The following IRX5 variants were observed in gnomAD, a reference collection of about 807,000 sequenced individuals.
IRX5 encodes the protein iroquois homeobox 5.
A neutral mutation model predicts 37.6 loss-of-function variants in IRX5; 8 were observed. That is an observed-to-expected ratio of 0.21 (90% CI 0.12 to 0.38). The LOEUF (loss-of-function observed/expected upper bound fraction) is 0.38, where lower values mean the gene tolerates loss of function less well. IRX5 is among the 10% of genes least tolerant of loss of function. The pLI is 1.00. For missense variants in IRX5, 635 were observed against 695.2 expected (o/e 0.91, Z 0.97); for synonymous variants, 359 against 328.6 (o/e 1.09, Z -1.00).
rs1963925442 is a variant in IRX5 at position 54,933,269 on chromosome 16, T to C, written c.848T>C (p.Leu283Pro). Residue 283 changes from leucine (L) to proline (P), a missense_variant, in exon 3 of 3, where the codon CTG becomes CCG. By Grantham distance (98) the Leu-to-Pro change is moderately conservative. Around this residue, in one of 5 missense-constraint regions of IRX5, gnomAD observed 244 missense variants for 205.4 expected, o/e 1.19. Transcript: ENST00000394636. ...CCGGCTGGGCCAGCGGCGGCGCGGC[T>C]GGCGGAGGACCCGGCCCCTCACTAC... ...PSPAGPAAAR[L>P]AEDPAPHYPA... 7.6e-7 allele frequency: 1 copy of C among 1,321,164 alleles called. No individual in the cohort carries two copies. Among genetic ancestry groups the C allele is most frequent in the African/African-American group, 1.6e-5 (1 of 64,062 alleles). 81.8% of individuals were successfully genotyped at this position (1,321,164 alleles called of 1,614,324 possible).
intron 1 of IRX5, chr16:54,931,984 G>C (rs1167403118): frequency 1.5e-6 from 1 of 663,120 alleles, no homozygotes; most frequent in South Asian, 1.6e-5. Flanking sequence ...TTGTAACTTC[G>C]GTCTGGGGTA....
chr16:54,933,116 T>C lies in IRX5; in HGVS notation c.695T>C (p.Leu232Pro). The stretch of plus-strand genomic sequence containing the variant: ...AAGGCGGCTTCGGGCTGCGAACGGC[T>C]TCAGGGACCACCCACCCCTGCAGGC... ...EQKAASGCER[L>P]QGPPTPAGKE... The change falls in exon 3 of 3, where the codon CTT becomes CCT. Residue 232 changes from leucine to proline, a missense_variant. Around this residue, in one of 5 missense-constraint regions of IRX5, gnomAD observed 244 missense variants for 205.4 expected, o/e 1.19. Transcript: ENST00000394636. The C allele has an allele frequency of 1.9e-6, 3 of 1,589,052 alleles. No individual in the cohort carries two copies. The highest frequency in any genetic ancestry group is 2.6e-6 in the Non-Finnish European group (3 of 1,173,744).
In IRX5 at chr16:54,930,999, A is replaced by G; in HGVS notation, c.-200A>G. Reference sequence around the variant, plus strand: ...CAGCTGGGGCGAGCGAGGCGCGCAGAGGAGCGGGCGCGGCGGTCGCAGCCG... The same window carrying G: ...CAGCTGGGGCGAGCGAGGCGCGCAGGGGAGCGGGCGCGGCGGTCGCAGCCG... On this transcript the variant is annotated 5_prime_UTR_variant, in exon 1 of 3. Coordinates refer to ENST00000394636, the MANE Select transcript of IRX5 (RefSeq NM_005853.6). 1 of 162,856 alleles carries G rather than the reference A, an allele frequency of 6.1e-6. No homozygotes were observed. Among genetic ancestry groups the G allele is most frequent in the Non-Finnish European group, 1.3e-5 (1 of 77,268 alleles). The allele number at this position is 162,856 out of a possible 1,614,324, so 10.1% of individuals were successfully genotyped here.
Position 54,933,547 on chromosome 16 carries a change from GCGTCGC to G in IRX5, c.1129_1134del (p.Ser377_Pro378del), listed in dbSNP as rs1567391511. 1 of 1,607,728 alleles carries G rather than the reference GCGTCGC, an allele frequency of 6.2e-7. No homozygotes were observed. The highest frequency in any genetic ancestry group is 1.7e-5 in the Admixed American group (1 of 59,392). On this transcript the variant is annotated inframe_deletion, in exon 3 of 3. Coordinates refer to ENST00000394636, the MANE Select transcript of IRX5 (RefSeq NM_005853.6). ...CGGGCAAGCCCTAGGAGGCAGCCGG[GCGTCGC>G]CGGCCCCGGCGCCGTCACGCTCGCC...
Position 54,932,414 on chromosome 16 carries a change from G to C in IRX5, c.250-84G>C. On this transcript the variant is annotated intron_variant, in intron 1 of 2. Transcript: ENST00000394636. This position sits in a 1 kb window ranked among gnomAD's most constrained non-coding sequence, Gnocchi z 6.7. ...GCCTCGTCCACCCACAGACCCCGGG[G>C]AGCGCAGGGAAAAGGGTGCTTCGGT... 6.8e-7 allele frequency: 1 copy of C among 1,467,894 alleles called. No homozygotes were observed. The allele number at this position is 1,467,894 out of a possible 1,614,324, so 90.9% of individuals were successfully genotyped here.
chr16:54,931,195 G>T lies in IRX5; in HGVS notation c.-4G>T. 1 of 1,594,626 alleles carries T rather than the reference G, an allele frequency of 6.3e-7. No homozygotes were observed. The highest frequency in any genetic ancestry group is 8.5e-7 in the Non-Finnish European group (1 of 1,172,318). On this transcript the variant is annotated 5_prime_UTR_variant, in exon 1 of 3. Transcript: ENST00000394636. Reference sequence around the variant, plus strand: ...CGCGGCGCGCCCCATGCCCGTGTGTGGCCATGTCCTATCCGCAGGGCTACT... The same window carrying T: ...CGCGGCGCGCCCCATGCCCGTGTGTTGCCATGTCCTATCCGCAGGGCTACT...
In IRX5 at chr16:54,934,037, T is replaced by G; in HGVS notation, c.*164T>G. The G allele has an allele frequency of 3.3e-6, 2 of 598,172 alleles. No individual in the cohort carries two copies. Among genetic ancestry groups the G allele is most frequent in the Non-Finnish European group, 5.1e-6 (2 of 392,820 alleles). The allele number at this position is 598,172 out of a possible 1,614,324, so 37.1% of individuals were successfully genotyped here. ...TGGATGACATAAAAATGTAAACATC[T>G]CCACACAAAAAAAAAAATGTCTTAA... On this transcript the variant is annotated 3_prime_UTR_variant, in exon 3 of 3. Coordinates refer to ENST00000394636, the MANE Select transcript of IRX5 (RefSeq NM_005853.6).
At chr16:54,931,903 A>G (rs1963902045) in intron 1 of IRX5, 2 of 605,724 alleles carry the variant, frequency 3.3e-6, no homozygotes, top group East Asian at 5.5e-5. Context: ...TATCTTCGCA[A>G]TCCGATTTGG....
Position 54,931,198 on chromosome 16 carries a change from C to T in IRX5, c.-1C>T, listed in dbSNP as rs1254141348. ...GGCGCGCCCCATGCCCGTGTGTGGC[C>T]ATGTCCTATCCGCAGGGCTACTTGT... On this transcript the variant is annotated 5_prime_UTR_variant, in exon 1 of 3. Transcript: ENST00000394636. 1.2e-6 allele frequency: 2 copies of T among 1,604,846 alleles called. No homozygotes were observed. The highest frequency in any genetic ancestry group is 3.4e-5 in the Admixed American group (2 of 59,540).
rs1029750748 is a variant in IRX5, at chr16:54,931,754, A to G, written c.249+307A>G. Among the ~76,000 whole-genome samples, 12 of 152,184 alleles carry G rather than the reference A, an allele frequency of 7.9e-5. No individual in the cohort carries two copies. In the East Asian group the frequency reaches 1.2e-3, roughly 15 times the overall value. Reference sequence around the variant, plus strand: ...AGCTCCGGGCTGCCCTGCAAATTTTATATTTTTGGTTTTGCCATTTTGGAA... The same window carrying G: ...AGCTCCGGGCTGCCCTGCAAATTTTGTATTTTTGGTTTTGCCATTTTGGAA... On this transcript the variant is annotated intron_variant, in intron 1 of 2. Coordinates refer to ENST00000394636, the MANE Select transcript of IRX5 (RefSeq NM_005853.6).
chr16:54,932,926 G>A lies in IRX5; in HGVS notation c.655+23G>A. Reference sequence around the variant, plus strand: ...CAGGTTGGTGGACATGGGAAAGGGCGTGTTGGGCGGGAGTAAAAAGGAAAA... The same window carrying A: ...CAGGTTGGTGGACATGGGAAAGGGCATGTTGGGCGGGAGTAAAAAGGAAAA... On this transcript the variant is annotated intron_variant, in intron 2 of 2. Transcript: ENST00000394636. This position sits in a 1 kb window ranked among gnomAD's most constrained non-coding sequence, Gnocchi z 6.7. 2 of 1,595,270 alleles carry A rather than the reference G, an allele frequency of 1.3e-6. No homozygotes were observed. Among genetic ancestry groups the A allele is most frequent in the South Asian group, 1.1e-5 (1 of 88,830 alleles).
In IRX5 at chr16:54,933,721, G is replaced by C; in HGVS notation, c.1300G>C (p.Gly434Arg). The C allele has an allele frequency of 2.5e-6, 4 of 1,613,866 alleles. No individual in the cohort carries two copies. The highest frequency in any genetic ancestry group is 3.4e-6 in the Non-Finnish European group (4 of 1,179,972). Residue 434 changes from glycine (G) to arginine (R), a missense_variant, in exon 3 of 3, where the codon GGT becomes CGT. Physicochemically the swap from Gly to Arg is moderately radical, Grantham distance 125 (BLOSUM62 -2). Transcript: ENST00000394636. ...GGGGCCCGGGCCAGGCCCCACAACC[G>C]GTCCGGGGTCTCATTTCAATGGATT... ...HPGPGPGPTT[G>R]PGSHFNGLNQ...
In IRX5 at chr16:54,933,297, C is replaced by A. The variant is rs7188328; in HGVS notation, c.876C>A (p.Pro292=). The A allele has an allele frequency of 7.1e-7, 1 of 1,399,690 alleles. No individual in the cohort carries two copies. The highest frequency in any genetic ancestry group is 9.2e-7 in the Non-Finnish European group (1 of 1,084,186). 86.7% of individuals were successfully genotyped at this position (1,399,690 alleles called of 1,614,324 possible). A position where few individuals can be genotyped will look rare whatever the true frequency, so the allele number is the denominator to read the frequency against. ...RLAEDPAPHY[P]AGAPAPGPHP... ...CGGAGGACCCGGCCCCTCACTACCC[C>A]GCCGGAGCGCCGGCGCCCGGCCCGC... Residue 292 remains proline (P), a synonymous_variant, in exon 3 of 3, where the codon CCC becomes CCA. Coordinates refer to ENST00000394636, the MANE Select transcript of IRX5 (RefSeq NM_005853.6).
Position 54,932,542 on chromosome 16 carries a change from G to A in IRX5, c.294G>A (p.Gly98=). ...CACCCGGCATGGCGGGCTCCTTGGGGTACCATCCTTACGCGGCGCCCCTGG... is the reference window on the plus strand; with the variant it reads ...CACCCGGCATGGCGGGCTCCTTGGGATACCATCCTTACGCGGCGCCCCTGG... ...DHTPGMAGSL[G]YHPYAAPLGS... is the part of the protein sequence containing the mutation. The change falls in exon 2 of 3, where the codon GGG becomes GGA. Residue 98 remains glycine, a synonymous_variant. Transcript: ENST00000394636. This position sits in a 1 kb window ranked among gnomAD's most constrained non-coding sequence, Gnocchi z 6.7. The A allele has an allele frequency of 6.2e-7, 1 of 1,613,916 alleles. No homozygotes were observed. Among genetic ancestry groups the A allele is most frequent in the Non-Finnish European group, 8.5e-7 (1 of 1,179,954 alleles).
chr16:54,932,606 G>C lies in IRX5; in HGVS notation c.358G>C (p.Ala120Pro). The C allele has an allele frequency of 6.2e-7, 1 of 1,614,088 alleles. No homozygotes were observed. The highest frequency in any genetic ancestry group is 8.5e-7 in the Non-Finnish European group (1 of 1,180,022). The change falls in exon 2 of 3, where the codon GCC becomes CCC. Residue 120 changes from alanine to proline, a missense_variant. Coordinates refer to ENST00000394636, the MANE Select transcript of IRX5 (RefSeq NM_005853.6). This position sits in a 1 kb window ranked among gnomAD's most constrained non-coding sequence, Gnocchi z 6.7. Reference sequence around the variant, plus strand: ...CGGGGACCCAGCGTACCGGAAGAACGCCACAAGGGACGCCACGGCTACCCT... The same window carrying C: ...CGGGGACCCAGCGTACCGGAAGAACCCCACAAGGGACGCCACGGCTACCCT... ...PYGDPAYRKNATRDATATLKA... is the reference protein window; with the variant it reads ...PYGDPAYRKNPTRDATATLKA...
intron 1 of IRX5, among the ~76,000 whole-genome samples, chr16:54,931,649 C>G (rs532428412): frequency 9.2e-5 from 14 of 152,348 alleles, no homozygotes; most frequent in African/African-American, 3.4e-4. Flanking sequence ...CCGCGTCTTG[C>G]TCGGATCGCT....
chr16:54,931,232 T>G lies in IRX5; in HGVS notation c.34T>G (p.Ser12Ala), dbSNP rs781468761. 6 of 1,611,182 alleles carry G rather than the reference T, an allele frequency of 3.7e-6. No homozygotes were observed. The African/African-American group carries it at 5.4e-5, about 14-fold the overall frequency. Reference protein sequence around the residue: ...SYPQGYLYQPSASLALYSCPA... With the variant: ...SYPQGYLYQPAASLALYSCPA... ...TCCGCAGGGCTACTTGTACCAGCCGTCCGCCTCGCTGGCGCTCTACTCGTG... is the reference window on the plus strand; with the variant it reads ...TCCGCAGGGCTACTTGTACCAGCCGGCCGCCTCGCTGGCGCTCTACTCGTG... Residue 12 changes from serine to alanine, a missense_variant, in exon 1 of 3, where the codon TCC becomes GCC. By Grantham distance (99) the Ser-to-Ala change is moderately conservative. Coordinates refer to ENST00000394636, the MANE Select transcript of IRX5 (RefSeq NM_005853.6).
chr16:54,932,464 G>T lies in IRX5; in HGVS notation c.250-34G>T, dbSNP rs201684291. On this transcript the variant is annotated intron_variant, in intron 1 of 2. Coordinates refer to ENST00000394636, the MANE Select transcript of IRX5 (RefSeq NM_005853.6). The surrounding 1 kb of genome is among the most constrained non-coding windows in gnomAD (Gnocchi z 6.7). ...TCGTTCCGATGGCAGTGGAGACCACGGTCCACACTCACCTCTCTGCGTCTC... is the reference window on the plus strand; with the variant it reads ...TCGTTCCGATGGCAGTGGAGACCACTGTCCACACTCACCTCTCTGCGTCTC... 135 of 1,572,124 alleles carry T rather than the reference G, an allele frequency of 8.6e-5. No homozygotes were observed. Among genetic ancestry groups the T allele is most frequent in the Non-Finnish European group, 1.1e-4 (127 of 1,158,006 alleles).
chr16:54,931,156 G>A lies in IRX5; in HGVS notation c.-43G>A. On this transcript the variant is annotated 5_prime_UTR_variant, in exon 1 of 3. Coordinates refer to ENST00000394636, the MANE Select transcript of IRX5 (RefSeq NM_005853.6). ...GCCCTCGCAGGGCGCCGCCCGGCTC[G>A]TTGGCGGCCGCGGCGCGGCGCGCCC... The A allele has an allele frequency of 1.5e-6, 2 of 1,308,000 alleles. No individual in the cohort carries two copies. The highest frequency in any genetic ancestry group is 1.9e-6 in the Non-Finnish European group (2 of 1,025,784). The allele number at this position is 1,308,000 out of a possible 1,614,324, so 81.0% of individuals were successfully genotyped here. A position where few individuals can be genotyped will look rare whatever the true frequency, so the allele number is the denominator to read the frequency against.
Sources: allele counts gnomAD v4.1 joint callset (sites outside exome capture counted in the v4.1 genomes callset), GRCh38; gene constraint gnomAD v4.1.1; regional missense constraint gnomAD v4.1.1; non-coding constraint Gnocchi (gnomAD v3.1); transcripts MANE v1.5; gene names NCBI Gene and HGNC (gene_info 2026-07-23, HGNC 2026-07-21).